The following DAB1 variants were observed in gnomAD, a reference collection of about 807,000 sequenced individuals.
The protein encoded by DAB1 is DAB adaptor protein 1.
Under a neutral mutation model 64.6 loss-of-function variants are expected in DAB1, and 15 were observed. The ratio of observed to expected loss-of-function variants is 0.23; its 90% CI spans 0.16 to 0.36. The LOEUF is 0.36. Ranked by LOEUF, DAB1 falls within the 10% of genes least tolerant of loss-of-function variation. DAB1 has a pLI of 1.00. For synonymous variants in DAB1, 235 were observed against 251.9 expected (o/e 0.93, Z 0.64); for missense variants, 596 against 706.7 (o/e 0.84, Z 1.78).
chr1:57,973,474 C>A (rs1448743130), intron 5 of DAB1, among the ~76,000 whole-genome samples: 2 of 152,206 alleles, frequency 1.3e-5, no homozygotes, highest in Non-Finnish European at 2.9e-5. Flanking sequence ...AAATATACAT[C>A]TTCTAAACAC....
At chr1:57,352,681 A>T (rs1483813308) in intron 1 of DAB1, among the ~76,000 whole-genome samples, 2 of 152,164 alleles carry the variant, frequency 1.3e-5, no homozygotes, top group East Asian at 1.9e-4. Context: ...ACATTCTAGT[A>T]ATTTGGAACA....
chr1:57,481,857 G>T (rs1284420244), intron 7 of DAB1, among the ~76,000 whole-genome samples: 2 of 151,146 alleles, frequency 1.3e-5, no homozygotes, highest in Admixed American at 1.3e-4. Context: ...TACTCAATAA[G>T]CTTGTTAAAA....
intron 5 of DAB1, among the ~76,000 whole-genome samples, chr1:58,131,094 C>T (rs1653531035): frequency 7.0e-6 from 1 of 142,528 alleles, no homozygotes; most frequent in South Asian, 2.5e-4. Flanking sequence ...TTCAGGTACA[C>T]CAATCAGACG....
chr1:58,488,048 C>A (rs1006585044), intron 3 of DAB1, among the ~76,000 whole-genome samples: 2 of 152,054 alleles, frequency 1.3e-5, no homozygotes, highest in African/African-American at 2.4e-5. Flanking sequence ...CTATTTGAGA[C>A]ATTTATAGTT....
Position 57,037,432 on chromosome 1 carries a change from C to T in DAB1, c.724-11389G>A, listed in dbSNP as rs191432593. ...TAGCTTGGGGTGGACAGTTGTGTGA[C>T]AAGGACCACACAAGGCTTCTAGATC... On this transcript the variant is annotated intron_variant, in intron 9 of 14. Coordinates refer to ENST00000371236, the MANE Select transcript of DAB1 (RefSeq NM_001365792.1). Among the ~76,000 whole-genome samples, 146 of 152,248 alleles carry T rather than the reference C, an allele frequency of 9.6e-4. 1 individual carries two copies. The highest frequency in any genetic ancestry group is 3.3e-3 in the African/African-American group (139 of 41,554).
intron 5 of DAB1, among the ~76,000 whole-genome samples, chr1:58,044,746 A>C (rs965607404): frequency 2.0e-5 from 3 of 152,212 alleles, no homozygotes; most frequent in African/African-American, 7.2e-5. Context: ...TAGGGATAAG[A>C]GTAATATTTA....
chr1:57,993,597 T>C (rs544123244), intron 5 of DAB1, among the ~76,000 whole-genome samples: 36 of 152,210 alleles, frequency 2.4e-4, no homozygotes, highest in Non-Finnish European at 4.7e-4. Context: ...TGGCTGATAG[T>C]CTTGTCCTAG....
At chr1:58,162,028 T>C (rs144183674) in intron 4 of DAB1, among the ~76,000 whole-genome samples, 1 of 152,148 alleles carries the variant, frequency 6.6e-6, no homozygotes, top group African/African-American at 2.4e-5. Flanking sequence ...GAGGTAACAA[T>C]AGGTACAGAG....
intron 6 of DAB1, among the ~76,000 whole-genome samples, chr1:57,673,947 T>A (rs1385838734): frequency 6.6e-6 from 1 of 152,130 alleles, no homozygotes. Context: ...AATAGAAACC[T>A]GCATGGAGAG....
chr1:58,300,614 G>GAAAGAAAGAA (rs1557726085), intron 4 of DAB1, among the ~76,000 whole-genome samples: 14 of 44,712 alleles, frequency 3.1e-4, no homozygotes, highest in South Asian at 8.5e-4. Context: ...GAAAGAAAGA[G>GAAAGAAAGAA]AGAGAGAGAG....
intron 11 of DAB1, among the ~76,000 whole-genome samples, chr1:57,018,553 T>C (rs1044964472): frequency 1.3e-5 from 2 of 152,190 alleles, no homozygotes; most frequent in African/African-American, 4.8e-5. Flanking sequence ...AAGGAGGTAT[T>C]GCAAATATTT....
At chr1:57,265,738 A>T (rs1360003528) in intron 2 of DAB1, among the ~76,000 whole-genome samples, 5 of 152,216 alleles carry the variant, frequency 3.3e-5, no homozygotes, top group Non-Finnish European at 7.3e-5. Context: ...AGATCTATAC[A>T]TGTAAACCAA....
Position 57,562,915 on chromosome 1 carries a change from G to A in DAB1, n.625+86677C>T, listed in dbSNP as rs773517328. On this transcript the variant is annotated intron_variant and non_coding_transcript_variant, in intron 7 of 20. Coordinates refer to the DAB1 transcript ENST00000485760. The stretch of plus-strand genomic sequence containing the variant: ...GGTGATTGACCCAGACTATCAAGAC[G>A]AAATCAGTCTGCTACTCTACAACGG... Among the ~76,000 whole-genome samples, 54 of 152,166 alleles carry A rather than the reference G, an allele frequency of 3.5e-4. 1 individual carries two copies. Among genetic ancestry groups the A allele is most frequent in the Admixed American group, 2.7e-3 (42 of 15,274 alleles).
At chr1:57,238,480 G>C (rs536348717) in intron 2 of DAB1, among the ~76,000 whole-genome samples, 1 of 152,150 alleles carries the variant, frequency 6.6e-6, no homozygotes, top group African/African-American at 2.4e-5. Context: ...ATGAAGATTC[G>C]CTCTCTTGCT....
chr1:58,113,458 T>A (rs1317476892), intron 5 of DAB1, among the ~76,000 whole-genome samples: 1 of 152,204 alleles, frequency 6.6e-6, no homozygotes, highest in African/African-American at 2.4e-5. Context: ...GTTCCAGCTT[T>A]TCAGCTGCAT....
chr1:57,762,936 C>G (rs1332096276), intron 6 of DAB1, among the ~76,000 whole-genome samples: 1 of 152,218 alleles, frequency 6.6e-6, no homozygotes, highest in Non-Finnish European at 1.5e-5. Context: ...GGGCTAGGCC[C>G]TGACGTAGAC....
At chr1:57,937,970 G>T (rs1387111814) in intron 5 of DAB1, among the ~76,000 whole-genome samples, 1 of 152,228 alleles carries the variant, frequency 6.6e-6, no homozygotes, top group Non-Finnish European at 1.5e-5. Context: ...CCTATAGTCA[G>T]GGCTAAGCTC....
intron 4 of DAB1, among the ~76,000 whole-genome samples, chr1:57,125,703 C>T (rs1657073838): frequency 6.6e-6 from 1 of 152,106 alleles, no homozygotes; most frequent in Admixed American, 6.6e-5. Flanking sequence ...AGCTTTAATA[C>T]ATTTTATGCA....
At chr1:58,432,575 T>C (rs1234086342) in intron 3 of DAB1, among the ~76,000 whole-genome samples, 1 of 152,142 alleles carries the variant, frequency 6.6e-6, no homozygotes, top group Admixed American at 6.5e-5. Context: ...TGCCTGTACT[T>C]ATCTGGTCAT....
Sources: allele counts gnomAD v4.1 joint callset (sites outside exome capture counted in the v4.1 genomes callset), GRCh38; gene constraint gnomAD v4.1.1; transcripts MANE v1.5; gene names NCBI Gene and HGNC (gene_info 2026-07-23, HGNC 2026-07-21).